Variants in MIPEP observed in about 807,000 individuals in gnomAD.
MIPEP encodes the protein mitochondrial intermediate peptidase.
MIPEP carries 79 observed loss-of-function variants against 90.3 expected under a neutral mutation model. The observed-to-expected ratio is 0.87, with a 90% confidence interval of 0.73 to 1.05. The LOEUF (loss-of-function observed/expected upper bound fraction) is 1.05. Among genes scored for constraint, MIPEP ranks in the 50% least tolerant of loss-of-function variants. The probability of loss-of-function intolerance (pLI) is 0.00; values close to 1 mark genes in which losing one functional copy is unlikely to be tolerated. For missense variants in MIPEP, 940 were observed against 905.6 expected (o/e 1.04, Z -0.49); for synonymous variants, 334 against 315.8 (o/e 1.06, Z -0.61).
chr13:23,731,854 T>G (rs1952208845), intron 18 of MIPEP, among the ~76,000 whole-genome samples: 1 of 151,932 alleles, frequency 6.6e-6, no homozygotes, highest in African/African-American at 2.4e-5. Context: ...AGAAGATATC[T>G]GAATAAGTAA....
chr13:23,877,199 TA>T (rs1444301848), intron 4 of MIPEP, among the ~76,000 whole-genome samples: 1 of 152,296 alleles, frequency 6.6e-6, no homozygotes, highest in African/African-American at 2.4e-5. Flanking sequence ...TAAGTAACAA[TA>T]AAAAAATTCT....
chr13:23,762,672 T>G (rs1276396372), intron 16 of MIPEP, among the ~76,000 whole-genome samples: 2 of 152,214 alleles, frequency 1.3e-5, no homozygotes, highest in African/African-American at 4.8e-5. Context: ...CAGTCAGAAG[T>G]GTGGGCCTGT....
chr13:23,751,532 T>C (rs1952441024), intron 18 of MIPEP, among the ~76,000 whole-genome samples: 1 of 152,266 alleles, frequency 6.6e-6, no homozygotes, highest in Non-Finnish European at 1.5e-5. Context: ...ACTTGCATAC[T>C]GCTTTTGGCC....
chr13:23,783,504 G>C (rs921295275), intron 16 of MIPEP, among the ~76,000 whole-genome samples: 1 of 152,082 alleles, frequency 6.6e-6, no homozygotes, highest in Non-Finnish European at 1.5e-5. Context: ...ATACTGAATG[G>C]GCAAAAACTG....
At chr13:23,751,918 C>A (rs148589907) in intron 18 of MIPEP, among the ~76,000 whole-genome samples, 2 of 132,738 alleles carry the variant, frequency 1.5e-5, no homozygotes, top group Admixed American at 1.5e-4. Context: ...AGATAGGTTG[C>A]GACATTAAAA....
chr13:23,812,241 C>A (rs1034021439), intron 14 of MIPEP, among the ~76,000 whole-genome samples: 1 of 151,936 alleles, frequency 6.6e-6, no homozygotes, highest in Non-Finnish European at 1.5e-5. Context: ...GAGCTGTGAC[C>A]CTGAAAGGCT....
At chr13:23,856,815 T>C (rs1870066933) in intron 10 of MIPEP, among the ~76,000 whole-genome samples, 1 of 152,098 alleles carries the variant, frequency 6.6e-6, no homozygotes, top group African/African-American at 2.4e-5. Context: ...CAGAGTATAG[T>C]TAGTGAAAAA....
At chr13:23,760,483 G>A (rs775493250) in intron 16 of MIPEP, 14 of 642,150 alleles carry the variant, frequency 2.2e-5, no homozygotes, top group Non-Finnish European at 3.6e-5. Flanking sequence ...CTCCAAAGAC[G>A]TGATTAAGTA....
intron 16 of MIPEP, among the ~76,000 whole-genome samples, chr13:23,783,320 A>C (rs1231998049): frequency 2.4e-4 from 36 of 152,198 alleles, no homozygotes; most frequent in African/African-American, 8.4e-4. Context: ...TAAACATAAT[A>C]CAGCATATAA....
Position 23,806,015 on chromosome 13 carries a change from A to G in MIPEP, c.1783T>C (p.Ser595Pro). The G allele has an allele frequency of 6.2e-7, 1 of 1,613,990 alleles. No homozygotes were observed. Residue 595 changes from serine (S) to proline (P), a missense_variant, in exon 16 of 19, where the codon TCA (serine) becomes CCA (proline). Physicochemically the swap from Ser to Pro is moderately conservative, Grantham distance 74 (BLOSUM62 -1). Transcript: ENST00000382172. The part of the protein sequence containing the change: ...IYHGKHPLRN[S>P]TTDILKETQE... ...GTTTCCTTGAGAATGTCTGTGGTTGAATTCCTCAGGGGATGCTTCCCATGG... is the reference window on the plus strand; with the variant it reads ...GTTTCCTTGAGAATGTCTGTGGTTGGATTCCTCAGGGGATGCTTCCCATGG...
At chr13:23,845,382 C>G (rs532418440) in intron 10 of MIPEP, among the ~76,000 whole-genome samples, 4 of 152,262 alleles carry the variant, frequency 2.6e-5, no homozygotes, top group African/African-American at 9.6e-5. Context: ...CGACCACTGA[C>G]ATCGTTTGGA....
At chr13:23,854,090 C>T (rs1265390803) in intron 10 of MIPEP, among the ~76,000 whole-genome samples, 1 of 151,440 alleles carries the variant, frequency 6.6e-6, no homozygotes, top group Non-Finnish European at 1.5e-5. Flanking sequence ...CTTTGGGAGG[C>T]CGAGGTGGGC....
chr13:23,771,582 A>C (rs552330462), intron 16 of MIPEP, among the ~76,000 whole-genome samples: 5 of 149,668 alleles, frequency 3.3e-5, no homozygotes, highest in South Asian at 4.2e-4. Flanking sequence ...TGCATTTCTG[A>C]AGTGACAAAA....
chr13:23,785,913 C>T (rs1243039232), intron 16 of MIPEP, among the ~76,000 whole-genome samples: 4 of 151,956 alleles, frequency 2.6e-5, no homozygotes, highest in African/African-American at 4.8e-5. Context: ...GGGGAAAAGA[C>T]GAATTATAAC....
intron 11 of MIPEP, among the ~76,000 whole-genome samples, chr13:23,840,014 A>G (rs1053769498): frequency 6.6e-6 from 1 of 152,214 alleles, no homozygotes; most frequent in African/African-American, 2.4e-5. Context: ...CTAACCACCC[A>G]CAAGAGCTGG....
chr13:23,829,981 T>C (rs1275816284), intron 14 of MIPEP, among the ~76,000 whole-genome samples: 2 of 152,172 alleles, frequency 1.3e-5, no homozygotes, highest in African/African-American at 4.8e-5. Context: ...TGCTGCACGA[T>C]AGAAACCATT....
chr13:23,836,847 G>A (rs528339597), intron 13 of MIPEP, among the ~76,000 whole-genome samples: 1 of 152,188 alleles, frequency 6.6e-6, no homozygotes, highest in Non-Finnish European at 1.5e-5. Flanking sequence ...AACAAATCCT[G>A]TAAGAAATTT....
intron 16 of MIPEP, among the ~76,000 whole-genome samples, chr13:23,794,268 G>A (rs1156467248): frequency 2.0e-5 from 3 of 152,046 alleles, no homozygotes; most frequent in Admixed American, 1.3e-4. Context: ...TGAGGAGGAG[G>A]GAGACTGTAT....
chr13:23,801,844 C>T (rs1384953751), intron 16 of MIPEP, among the ~76,000 whole-genome samples: 4 of 152,168 alleles, frequency 2.6e-5, no homozygotes, highest in Admixed American at 2.6e-4. Context: ...TTGGGTTCTT[C>T]CCGGAATCCT....
Sources: allele counts gnomAD v4.1 joint callset (sites outside exome capture counted in the v4.1 genomes callset), GRCh38; gene constraint gnomAD v4.1.1; transcripts MANE v1.5; gene names NCBI Gene and HGNC (gene_info 2026-07-23, HGNC 2026-07-21).